Variants in CAMKK2 observed in about 807,000 individuals in gnomAD.
CAMKK2 encodes calcium/calmodulin-dependent protein kinase kinase 2.
A neutral mutation model predicts 67.2 loss-of-function variants in CAMKK2; 30 were observed. The ratio of observed to expected loss-of-function variants is 0.45; its 90% CI spans 0.33 to 0.61. The LOEUF is 0.61. CAMKK2 is among the 20% of genes least tolerant of loss of function. CAMKK2 has a pLI of 0.02. For missense variants in CAMKK2, 643 were observed against 802.0 expected, an observed-to-expected ratio of 0.80 and a Z score of 2.39; for synonymous variants, 322 against 326.2, an observed-to-expected ratio of 0.99 and a Z score of 0.14.
intron 1 of CAMKK2, among the ~76,000 whole-genome samples, chr12:121,278,516 G>A (rs1897190903): frequency 6.6e-6 from 1 of 152,194 alleles, no homozygotes; most frequent in African/African-American, 2.4e-5. Flanking sequence ...CGTGTGTTGT[G>A]GGAGGGACCC....
At position 121,255,581 on chromosome 12, in the gene CAMKK2, G is replaced by A; in HGVS notation, c.876C>T (p.Tyr292=). The change falls in exon 9 of 17, where the codon TAC becomes TAT. Residue 292 remains tyrosine (Y), a synonymous_variant. Coordinates refer to ENST00000404169, the MANE Select transcript of CAMKK2 (RefSeq NM_001270485.2). The part of the protein sequence containing the change: ...KPLSEDQARF[Y]FQDLIKGIEY... ...CGATGCCTTTGATCAGATCCTGGAA[G>A]TAGAAACGGGCCTGGTCTTCAGAGA... The A allele has an allele frequency of 6.2e-7, 1 of 1,612,444 alleles. No homozygotes were observed. The highest frequency in any genetic ancestry group is 8.5e-7 in the Non-Finnish European group (1 of 1,179,676).
At chr12:121,248,814 G>GC (rs1311470490) in intron 13 of CAMKK2, 80 bp from the exon 14 acceptor site, 1 of 1,553,898 alleles carries the variant, frequency 6.4e-7, no homozygotes, top group Non-Finnish European at 8.8e-7. Context: ...AGCCACAAGG[G>GC]CATGCAGGAC....
At chr12:121,293,138 C>A (rs2668237) in intron 1 of CAMKK2, among the ~76,000 whole-genome samples, 2 of 151,706 alleles carry the variant, frequency 1.3e-5, no homozygotes, top group African/African-American at 2.4e-5. Context: ...TTAGCCAGGC[C>A]TGGTGGTGTG....
chr12:121,259,442 C>T (rs1270310311), intron 7 of CAMKK2, among the ~76,000 whole-genome samples: 1 of 152,188 alleles, frequency 6.6e-6, no homozygotes, highest in Non-Finnish European at 1.5e-5. Flanking sequence ...CAAAGGCACG[C>T]CTCAGAAAGA....
chr12:121,249,762 G>A (rs112954516), intron 13 of CAMKK2, 25 bp downstream of exon 13: 13 of 1,602,186 alleles, frequency 8.1e-6, no homozygotes, highest in East Asian at 4.5e-5. Context: ...TTCCGAGCAC[G>A]GGGCACAGGC....
chr12:121,263,801 T>C lies in CAMKK2; in HGVS notation c.759+5A>G. On this transcript the variant is annotated splice_donor_5th_base_variant and intron_variant, in intron 6 of 16. Coordinates refer to ENST00000404169, the MANE Select transcript of CAMKK2 (RefSeq NM_001270485.2). ...CCTCCCTCCTGGGCGCCTCCACCCT[T>C]TTACCTCCACCAGCTTCACCACATT... 1 of 1,603,832 alleles carries C rather than the reference T, an allele frequency of 6.2e-7. No individual in the cohort carries two copies. The highest frequency in any genetic ancestry group is 8.5e-7 in the Non-Finnish European group (1 of 1,172,572).
intron 1 of CAMKK2, among the ~76,000 whole-genome samples, chr12:121,279,374 C>T (rs1330032224): frequency 1.3e-5 from 2 of 152,224 alleles, no homozygotes; most frequent in Non-Finnish European, 2.9e-5. Flanking sequence ...CTCACAGACA[C>T]CTAGAGTCTA....
chr12:121,263,256 G>A (rs1566080447), intron 6 of CAMKK2, among the ~76,000 whole-genome samples: 1 of 15,912 alleles, frequency 6.3e-5, no homozygotes, highest in Non-Finnish European at 9.8e-5. Context: ...CCTCTGTCTG[G>A]TTTGTTTGTT....
Position 121,269,587 on chromosome 12 carries a change from T to C in CAMKK2, c.520-6A>G. On this transcript the variant is annotated splice_region_variant and splice_polypyrimidine_tract_variant and intron_variant, in intron 3 of 16. Coordinates refer to ENST00000404169, the MANE Select transcript of CAMKK2 (RefSeq NM_001270485.2). ...TTGACGACACCATAGGAGCCCTGGA[T>C]AAAGGGAGATGCCCATGACATACTA... is the stretch of plus-strand genomic sequence containing the variant. The C allele has an allele frequency of 1.2e-6, 2 of 1,603,508 alleles. No individual in the cohort carries two copies. The highest frequency in any genetic ancestry group is 1.7e-6 in the Non-Finnish European group (2 of 1,173,480).
At position 121,274,173 on chromosome 12, in the gene CAMKK2, G is replaced by A. The variant is rs115336463; in HGVS notation, c.354C>T (p.Asn118=). ...GLAAGGSLDM[N]GRCICPSLPY... is the part of the protein sequence containing the mutation. ...GCAGGGACGGGCAGATGCAGCGTCC[G>A]TTCATGTCCAGGCTGCCACCGGCTG... The change falls in exon 2 of 17, where the codon AAC becomes AAT. Residue 118 remains asparagine, a synonymous_variant. Coordinates refer to ENST00000404169, the MANE Select transcript of CAMKK2 (RefSeq NM_001270485.2). 2,667 of 1,600,038 alleles carry A rather than the reference G, an allele frequency of 1.7e-3. 45 individuals carry two copies. The African/African-American group carries it at 0.029, about 17-fold the overall frequency.
chr12:121,249,881 A>G lies in CAMKK2; in HGVS notation c.1236-7T>C, dbSNP rs1224675272. ...GTCCTCAGCTATGTCGGGCCTGGGGATGGAGAGGCGTCAGGGTGGCAGACA... is the reference window on the plus strand; with the variant it reads ...GTCCTCAGCTATGTCGGGCCTGGGGGTGGAGAGGCGTCAGGGTGGCAGACA... On this transcript the variant is annotated splice_region_variant and splice_polypyrimidine_tract_variant and intron_variant, in intron 12 of 16. Coordinates refer to ENST00000404169, the MANE Select transcript of CAMKK2 (RefSeq NM_001270485.2). 21 of 1,613,690 alleles carry G rather than the reference A, an allele frequency of 1.3e-5. No homozygotes were observed. The highest frequency in any genetic ancestry group is 1.8e-5 in the Non-Finnish European group (21 of 1,179,810).
chr12:121,258,262 G>A (rs1054641601), intron 7 of CAMKK2, among the ~76,000 whole-genome samples: 4 of 152,092 alleles, frequency 2.6e-5, no homozygotes, highest in African/African-American at 7.2e-5. Context: ...GACCTCAGGG[G>A]ATCCACCTGC....
chr12:121,262,713 C>G (rs907123397), intron 6 of CAMKK2, among the ~76,000 whole-genome samples: 7 of 151,966 alleles, frequency 4.6e-5, no homozygotes, highest in African/African-American at 1.7e-4. Flanking sequence ...CGTGCACCAC[C>G]ATACCGGGCT....
In CAMKK2 at chr12:121,271,864, C is replaced by T. The variant is rs546525804; in HGVS notation, c.472-919G>A. ...CTGGGATTACAGGCACCCACCACCA[C>T]GCCCAGCTAAATTCTTTGTATTTTT... On this transcript the variant is annotated intron_variant, in intron 2 of 16. Coordinates refer to ENST00000404169, the MANE Select transcript of CAMKK2 (RefSeq NM_001270485.2). Among the ~76,000 whole-genome samples, 348 of 152,162 alleles carry T rather than the reference C, an allele frequency of 2.3e-3. 1 individual carries two copies. The highest frequency in any genetic ancestry group is 3.5e-3 in the Non-Finnish European group (241 of 67,986).
At chr12:121,297,794 T>G (rs2686367), upstream of CAMKK2, 67,033 of 466,402 alleles carry the variant, frequency 0.14, 11,993 homozygotes, top group African/African-American at 0.61. Flanking sequence ...GTGCTTCTCT[T>G]GTATTTCTAG....
intron 1 of CAMKK2, among the ~76,000 whole-genome samples, chr12:121,291,964 G>A (rs779454122): frequency 1.3e-5 from 2 of 151,890 alleles, no homozygotes; most frequent in Non-Finnish European, 2.9e-5. Context: ...GCTGAGGCAG[G>A]AGAATCGCTT....
intron 1 of CAMKK2, among the ~76,000 whole-genome samples, chr12:121,277,410 A>G (rs564596662): frequency 6.6e-6 from 1 of 152,358 alleles, no homozygotes; most frequent in East Asian, 1.9e-4. Context: ...GAAGGTAGGG[A>G]TTCAAACGGA....
At chr12:121,286,281 C>A (rs951373110) in intron 1 of CAMKK2, among the ~76,000 whole-genome samples, 2 of 152,234 alleles carry the variant, frequency 1.3e-5, no homozygotes, top group African/African-American at 4.8e-5. Flanking sequence ...ACAGCCTTCA[C>A]CTTGACAGGC....
At chr12:121,271,793 C>T (rs577650379) in intron 2 of CAMKK2, among the ~76,000 whole-genome samples, 260 of 152,270 alleles carry the variant, frequency 1.7e-3, no homozygotes, top group Middle Eastern at 0.01. Flanking sequence ...CCGCAACCTC[C>T]GCCTCCCAGA....
Sources: gnomAD v4.1 joint callset for allele counts (sites outside exome capture counted in the v4.1 genomes callset) on GRCh38, gnomAD v4.1.1 for gene constraint, MANE v1.5 for transcripts, NCBI Gene and HGNC (gene_info 2026-07-23, HGNC 2026-07-21) for gene names.